LINGO2: variants seen among roughly 807,000 people sequenced by gnomAD.
LINGO2 encodes leucine rich repeat and Ig domain containing 2.
A neutral mutation model predicts 30.6 loss-of-function variants in LINGO2; 14 were observed. The ratio of observed to expected loss-of-function variants is 0.46; its 90% confidence interval spans 0.30 to 0.72. LINGO2 has a LOEUF of 0.72. Ranked by LOEUF, LINGO2 falls within the 30% of genes least tolerant of loss-of-function variation. LINGO2 has a pLI of 0.07. For missense variants in LINGO2, 729 were observed against 751.7 expected (o/e 0.97, Z 0.35); for synonymous variants, 317 against 288.5 (o/e 1.10, Z -1.00).
At chr9:28,225,941 T>C (rs1036237545) in intron 4 of LINGO2, among the ~76,000 whole-genome samples, 2 of 152,154 alleles carry the variant, frequency 1.3e-5, no homozygotes, top group Non-Finnish European at 2.9e-5. Flanking sequence ...AAATCAGTCA[T>C]CTCTCCAGTA....
At chr9:28,436,607 G>A (rs887798033) in intron 2 of LINGO2, among the ~76,000 whole-genome samples, 8 of 151,928 alleles carry the variant, frequency 5.3e-5, no homozygotes, top group Admixed American at 5.2e-4. Flanking sequence ...ACAGGTGCCC[G>A]CCACCACGAC....
the LINGO2 span, among the ~76,000 whole-genome samples, chr9:28,780,797 C>T: frequency 0.28 from 41,513 of 150,078 alleles, 5,911 homozygotes; most frequent in African/African-American, 0.33. Flanking sequence ...CTTAACATAG[C>T]GGCTGGAATT....
intron 1 of LINGO2, among the ~76,000 whole-genome samples, chr9:28,482,120 G>A (rs948570952): frequency 6.6e-6 from 1 of 151,842 alleles, no homozygotes. Flanking sequence ...ATGATTTATA[G>A]TCCTTTGGGT....
At chr9:28,308,794 A>T (rs901877155) in intron 3 of LINGO2, among the ~76,000 whole-genome samples, 34 of 152,224 alleles carry the variant, frequency 2.2e-4, no homozygotes, top group African/African-American at 8.2e-4. Flanking sequence ...CTCTTCTCAA[A>T]AGAAGACATT....
chr9:28,591,158 T>C (rs1214544558), intron 1 of LINGO2, among the ~76,000 whole-genome samples: 2 of 138,992 alleles, frequency 1.4e-5, no homozygotes, highest in Non-Finnish European at 3.1e-5. Flanking sequence ...GGGCCTGTTG[T>C]GGGGTTGGGG....
At chr9:28,189,261 AAGGGAGGG>A (rs1274192438) in intron 4 of LINGO2, among the ~76,000 whole-genome samples, 2 of 85,812 alleles carry the variant, frequency 2.3e-5, no homozygotes, top group East Asian at 3.8e-4. Flanking sequence ...GGGAGGAAGG[AAGGGAGGG>A]AGGAAGGGAG....
At chr9:28,015,740 T>C (rs62554703) in intron 4 of LINGO2, among the ~76,000 whole-genome samples, 2,132 of 152,148 alleles carry the variant, frequency 0.014, 31 homozygotes, top group Non-Finnish European at 0.022. Flanking sequence ...TCTTTGTCCC[T>C]TTTCTACCCT....
rs73645646 is a variant in LINGO2 at position 28,329,537 on chromosome 9, T to G, written c.-245-34171A>C. 6.6e-6 allele frequency among the ~76,000 whole-genome samples: 1 copy of G among 152,104 alleles called. No homozygotes were observed. The highest frequency in any genetic ancestry group is 1.5e-5 in the Non-Finnish European group (1 of 68,036). Reference sequence around the variant, plus strand: ...TAATTGACTCCTGGTACAACATGCATGTTCAGACTTGTTTGAGCCAGGGCT... The same window carrying G: ...TAATTGACTCCTGGTACAACATGCAGGTTCAGACTTGTTTGAGCCAGGGCT... On this transcript the variant is annotated intron_variant, in intron 3 of 5. Transcript: ENST00000379992. This position sits in a 1 kb window ranked among gnomAD's most constrained non-coding sequence, Gnocchi z 4.5.
At position 28,488,704 on chromosome 9, in the gene LINGO2, ATAT is replaced by A. The variant is rs1001243751; in HGVS notation, c.-364-12682_-364-12680del. On this transcript the variant is annotated intron_variant, in intron 1 of 5. Coordinates refer to ENST00000379992, the Ensembl canonical transcript of LINGO2. ...TATGTAGTTATTTTTAATTTTGCAAATATTATTAAGTAGTATCTCCAAGTATAA... is the reference window on the plus strand; with the variant it reads ...TATGTAGTTATTTTTAATTTTGCAAATATTAAGTAGTATCTCCAAGTATAA... Among the ~76,000 whole-genome samples the A allele has an allele frequency of 9.2e-5, 14 of 152,272 alleles. No homozygotes were observed. In the East Asian group the frequency reaches 1.2e-3, roughly 13 times the overall value.
At chr9:28,220,006 C>A (rs1414395105) in intron 4 of LINGO2, among the ~76,000 whole-genome samples, 1 of 152,092 alleles carries the variant, frequency 6.6e-6, no homozygotes, top group Non-Finnish European at 1.5e-5. Context: ...ACTGAGCCTG[C>A]ACAAAGTTTT....
At position 28,176,959 on chromosome 9, in the gene LINGO2, G is replaced by T. The variant is rs953192663; in HGVS notation, c.-87+118249C>A. Among the ~76,000 whole-genome samples the T allele has an allele frequency of 3.3e-5, 5 of 152,104 alleles. No individual in the cohort carries two copies. The South Asian group carries it at 1.0e-3, about 31-fold the overall frequency. On this transcript the variant is annotated intron_variant, in intron 4 of 5. Transcript: ENST00000379992. ...AAGGTATGGCTTTGATGTCATCTTA[G>T]TTACAAAATTAACACAATAATACTT...
At chr9:28,580,167 T>C (rs573624344) in intron 1 of LINGO2, among the ~76,000 whole-genome samples, 4 of 152,202 alleles carry the variant, frequency 2.6e-5, no homozygotes, top group Non-Finnish European at 4.4e-5. Context: ...ATTGGAGAGA[T>C]GGGTCTTGGG....
chr9:27,991,406 T>C (rs78114928), intron 5 of LINGO2, among the ~76,000 whole-genome samples: 1,867 of 152,108 alleles, frequency 0.012, 40 homozygotes, highest in African/African-American at 0.043. Flanking sequence ...GGTTATTCCA[T>C]AAGCCCTGGC....
intron 3 of LINGO2, among the ~76,000 whole-genome samples, chr9:28,354,926 G>T (rs73433334): frequency 0.035 from 5,380 of 152,224 alleles, 120 homozygotes; most frequent in East Asian, 0.087. Flanking sequence ...TCAGCTTGCT[G>T]TTGTGCATTG....
At chr9:28,640,202 A>G (rs1344541797) in intron 1 of LINGO2, among the ~76,000 whole-genome samples, 1 of 151,882 alleles carries the variant, frequency 6.6e-6, no homozygotes, top group East Asian at 1.9e-4. Context: ...TGTTAGTCTG[A>G]TGGACTTTCC....
At chr9:28,774,297 C>A in the LINGO2 span, among the ~76,000 whole-genome samples, 1 of 152,126 alleles carries the variant, frequency 6.6e-6, no homozygotes, top group South Asian at 2.1e-4. Context: ...TAAAACGGTT[C>A]ACTGAATAGC....
chr9:29,186,298 A>G, the LINGO2 span, among the ~76,000 whole-genome samples: 4 of 148,790 alleles, frequency 2.7e-5, no homozygotes, highest in African/African-American at 4.8e-5. Context: ...CAGCTTGTCA[A>G]TGCTGCAATT....
intron 5 of LINGO2, among the ~76,000 whole-genome samples, chr9:27,953,195 A>G (rs1162010843): frequency 2.0e-5 from 3 of 152,144 alleles, no homozygotes; most frequent in African/African-American, 7.2e-5. Context: ...CCACATACTG[A>G]TAAGGAATAA....
rs1191192851 is a variant in LINGO2, at chr9:28,632,873, TATATATGTAGAGAG to T, written c.-365+37313_-365+37326del. Among the ~76,000 whole-genome samples, 204 of 100,500 alleles carry T rather than the reference TATATATGTAGAGAG, an allele frequency of 2.0e-3. 3 individuals are homozygous for T. In the East Asian group the frequency reaches 0.024, roughly 12 times the overall value. 65.9% of individuals were successfully genotyped at this position (100,500 alleles called of 152,430 possible). A position where few individuals can be genotyped will look rare whatever the true frequency, so the allele number is the denominator to read the frequency against. On this transcript the variant is annotated intron_variant, in intron 1 of 5. Coordinates refer to ENST00000379992, the Ensembl canonical transcript of LINGO2. ...TATATTTTTTATATATATATATATA[TATATATGTAGAGAG>T]AGAGAGAGAGAGAGAGAGAGAGAGA...
Sources: allele counts gnomAD v4.1 joint callset (sites outside exome capture counted in the v4.1 genomes callset), GRCh38; gene constraint gnomAD v4.1.1; non-coding constraint Gnocchi (gnomAD v3.1); transcripts MANE v1.5; gene names NCBI Gene and HGNC (gene_info 2026-07-23, HGNC 2026-07-21).